OR52N1: variants seen among roughly 807,000 people sequenced by gnomAD.
OR52N1 encodes olfactory receptor family 52 subfamily N member 1, also known as olfactory receptor 52N1.
In OR52N1, 11 loss-of-function variants were observed where a neutral mutation model predicts 13.9. The ratio of observed to expected loss-of-function variants is 0.79; its 90% confidence interval spans 0.50 to 1.31. OR52N1 has a LOEUF of 1.31. OR52N1 is among the 40% of genes most tolerant of loss of function. OR52N1 has a pLI of 0.00. For missense variants in OR52N1, 414 were observed against 397.7 expected (o/e 1.04, Z -0.35); for synonymous variants, 142 against 143.7 (o/e 0.99, Z 0.08).
chr11:5,789,793 T>C (rs938093837), intron 1 of OR52N1, among the ~76,000 whole-genome samples: 1 of 152,094 alleles, frequency 6.6e-6, no homozygotes, highest in South Asian at 2.1e-4. Flanking sequence ...AGATGTTCAA[T>C]ACGTTTTTCA....
rs80120969 is a variant in OR52N1 at position 5,790,098 on chromosome 11, T to C, written c.-45+1013A>G. Among the ~76,000 whole-genome samples, 545 of 152,186 alleles carry C rather than the reference T, an allele frequency of 3.6e-3. 2 individuals are homozygous for C. The highest frequency in any genetic ancestry group is 0.013 in the African/African-American group (526 of 41,548). Reference sequence around the variant, plus strand: ...GCTTTCTAATTTAAAAATATCAATATTGATATTTATAGTTCCTCCTTGACA... The same window carrying C: ...GCTTTCTAATTTAAAAATATCAATACTGATATTTATAGTTCCTCCTTGACA... On this transcript the variant is annotated intron_variant, in intron 1 of 1. Coordinates refer to ENST00000641645, the MANE Select transcript of OR52N1 (RefSeq NM_001001913.2).
chr11:5,788,343 A>G lies in OR52N1; in HGVS notation c.474T>C (p.Val158=), dbSNP rs779334698. The G allele has an allele frequency of 6.4e-5, 103 of 1,613,900 alleles. No individual in the cohort carries two copies. Among genetic ancestry groups the G allele is most frequent in the Admixed American group, 6.3e-4 (38 of 59,970 alleles). ...GCTTGGTGAGGAAAGTGGAAGGGAT[A>G]ACAAGCATCACACCCCTAAGAAAAG... The part of the protein sequence containing the change: ...FLTFLRGVML[V]IPSTFLTKRL... Residue 158 remains valine (V), a synonymous_variant, in exon 2 of 2, where the codon GTT becomes GTC. Transcript: ENST00000641645.
chr11:5,788,978 G>A, intron 1 of OR52N1, 118 bp from the exon 2 acceptor site: 3 of 749,294 alleles, frequency 4.0e-6, no homozygotes, highest in Non-Finnish European at 6.3e-6. Context: ...GTTCTATTAT[G>A]TTTAATATGT....
At position 5,786,542 on chromosome 11, in the gene OR52N1, G is replaced by A. The variant is rs539545817; in HGVS notation, c.*1312C>T. 19 of 133,914 alleles carry A rather than the reference G, an allele frequency of 1.4e-4. 3 individuals carry two copies. The highest frequency in any genetic ancestry group is 2.0e-4 in the Non-Finnish European group (12 of 61,510). The allele number at this position is 133,914 out of a possible 1,614,324, so 8.3% of individuals were successfully genotyped here. ...GCAGTGTTTGGTTTTTTGTCCTTGC[G>A]ATAGTTTGCTGAGAATGATGGTTTC... On this transcript the variant is annotated 3_prime_UTR_variant, in exon 2 of 2. Transcript: ENST00000641645.
chr11:5,789,298 C>T (rs1416165418), intron 1 of OR52N1, among the ~76,000 whole-genome samples: 2 of 152,164 alleles, frequency 1.3e-5, no homozygotes, highest in Non-Finnish European at 2.9e-5. Flanking sequence ...TATTTTCAAT[C>T]TAGTTTTAGC....
rs1400044505 is a variant in OR52N1 at position 5,787,194 on chromosome 11, T to G, written c.*660A>C. ...CAGTTAGTTTGGCCTACTTCTGAACTGTACATCAATGACAATATATAATAT... is the reference window on the plus strand; with the variant it reads ...CAGTTAGTTTGGCCTACTTCTGAACGGTACATCAATGACAATATATAATAT... On this transcript the variant is annotated 3_prime_UTR_variant, in exon 2 of 2. Transcript: ENST00000641645. 2.1e-5 allele frequency: 3 copies of G among 140,498 alleles called. No homozygotes were observed. Among genetic ancestry groups the G allele is most frequent in the Non-Finnish European group, 4.7e-5 (3 of 63,564 alleles). The allele number at this position is 140,498 out of a possible 1,614,324, so 8.7% of individuals were successfully genotyped here. A position where few individuals can be genotyped will look rare whatever the true frequency, so the allele number is the denominator to read the frequency against.
rs139273155 is a variant in OR52N1, at chr11:5,788,420, G to A, written c.397C>T (p.Arg133Cys). Residue 133 changes from arginine to cysteine, a missense_variant, in exon 2 of 2, where the codon CGT becomes TGT. Coordinates refer to ENST00000641645, the MANE Select transcript of OR52N1 (RefSeq NM_001001913.2). ...DHCVAICFPL[R>C]YATILTNSVI... ...GAATTAGTGAGGATGGTGGCATAAC[G>A]CAGAGGGAAGCAGATGGCCACACAG... 723 of 1,614,038 alleles carry A rather than the reference G, an allele frequency of 4.5e-4. 1 individual carries two copies. Among genetic ancestry groups the A allele is most frequent in the Middle Eastern group, 3.3e-4 (2 of 6,056 alleles).
rs148179286 is a variant in OR52N1, at chr11:5,787,648, A to G, written c.*206T>C. ...AATGCAGTGAACTTCGAAGTCCTCT[A>G]TAGTAAAAAGGCTTTAAAGAACATG... On this transcript the variant is annotated 3_prime_UTR_variant, in exon 2 of 2. Transcript: ENST00000641645. 6.7e-6 allele frequency: 3 copies of G among 450,606 alleles called. No homozygotes were observed. Among genetic ancestry groups the G allele is most frequent in the African/African-American group, 6.3e-5 (3 of 47,872 alleles). The allele number at this position is 450,606 out of a possible 1,614,324, so 27.9% of individuals were successfully genotyped here. A position where few individuals can be genotyped will look rare whatever the true frequency, so the allele number is the denominator to read the frequency against.
At position 5,788,113 on chromosome 11, in the gene OR52N1, G is replaced by A; in HGVS notation, c.704C>T (p.Ala235Val). The A allele has an allele frequency of 1.2e-6, 2 of 1,614,052 alleles. No individual in the cohort carries two copies. Among genetic ancestry groups the A allele is most frequent in the Non-Finnish European group, 1.7e-6 (2 of 1,179,966 alleles). The change falls in exon 2 of 2, where the codon GCT becomes GTT. Residue 235 changes from alanine (A) to valine (V), a missense_variant. By Grantham distance (64) the Ala-to-Val change is moderately conservative (BLOSUM62 0). Transcript: ENST00000641645. Reference protein sequence around the residue: ...QAVVSLSSADARQKAFSTCTA... With the variant: ...QAVVSLSSADVRQKAFSTCTA... ...GCAGGTGCTGAAGGCCTTCTGTCGA[G>A]CATCTGCTGATGATAGACTCACAAC... is the stretch of plus-strand genomic sequence containing the variant.
At position 5,787,959 on chromosome 11, in the gene OR52N1, C is replaced by A. The variant is rs754157762; in HGVS notation, c.858G>T (p.Met286Ile). The change falls in exon 2 of 2, where the codon ATG becomes ATT. Residue 286 changes from methionine to isoleucine, a missense_variant. Physicochemically the swap from Met to Ile is conservative, Grantham distance 10. Transcript: ENST00000641645. ...ACACAATAGGGTTCATTGTGGGAGG[C>A]ATTAGTAGGTAGAGATTAGCCATAA... ...HIIMANLYLL[M>I]PPTMNPIVYG... 7.1e-7 allele frequency: 1 copy of A among 1,399,762 alleles called. No individual in the cohort carries two copies. The highest frequency in any genetic ancestry group is 1.7e-5 in the African/African-American group (1 of 58,580). 86.7% of individuals were successfully genotyped at this position (1,399,762 alleles called of 1,614,324 possible).
Position 5,787,997 on chromosome 11 carries a change from G to A in OR52N1, c.820C>T (p.His274Tyr). The change falls in exon 2 of 2, where the codon CAC becomes TAC. Residue 274 changes from histidine to tyrosine, a missense_variant. Coordinates refer to ENST00000641645, the MANE Select transcript of OR52N1 (RefSeq NM_001001913.2). ...AGATTAGCCATAATAATATGTATGT[G>A]TAGAGGAATGGTGTGTCCCCCAAAA... ...HHFGGHTIPL[H>Y]IHIIMANLYL... The A allele has an allele frequency of 7.5e-7, 1 of 1,336,552 alleles. No individual in the cohort carries two copies. The highest frequency in any genetic ancestry group is 9.9e-7 in the Non-Finnish European group (1 of 1,010,292). 82.8% of individuals were successfully genotyped at this position (1,336,552 alleles called of 1,614,324 possible).
chr11:5,786,973 A>C lies in OR52N1; in HGVS notation c.*881T>G, dbSNP rs1213066799. ...GGAGGTGAGAGTATGTGCTCAAGAC[A>C]TATTATTTTAAATAAAAATGTTGAA... On this transcript the variant is annotated 3_prime_UTR_variant, in exon 2 of 2. Coordinates refer to ENST00000641645, the MANE Select transcript of OR52N1 (RefSeq NM_001001913.2). 2.9e-5 allele frequency: 4 copies of C among 139,944 alleles called. 1 individual carries two copies. The East Asian group carries it at 8.2e-4, about 29-fold the overall frequency. 8.7% of individuals were successfully genotyped at this position (139,944 alleles called of 1,614,324 possible).
intron 1 of OR52N1, among the ~76,000 whole-genome samples, chr11:5,789,539 A>G (rs1854634099): frequency 6.6e-6 from 1 of 152,104 alleles, no homozygotes; most frequent in Admixed American, 6.6e-5. Context: ...TGAGAATCCA[A>G]TGTTTTCCTA....
In OR52N1 at chr11:5,788,027, GTGTAAAGAA is replaced by G. The variant is rs774475393; in HGVS notation, c.781_789del (p.Phe261_Thr263del). 2.2e-5 allele frequency: 28 copies of G among 1,247,990 alleles called. 4 individuals carry two copies. The East Asian group carries it at 6.6e-4, about 30-fold the overall frequency. The allele number at this position is 1,247,990 out of a possible 1,614,324, so 77.3% of individuals were successfully genotyped here. ...GGAATGGTGTGTCCCCCAAAATGGTGTGTAAAGAAGGTAAAGAAGGCTGGAACATAGGTG... is the reference window on the plus strand; with the variant it reads ...GGAATGGTGTGTCCCCCAAAATGGTGGGTAAAGAAGGCTGGAACATAGGTG... On this transcript the variant is annotated inframe_deletion, in exon 2 of 2. Coordinates refer to ENST00000641645, the MANE Select transcript of OR52N1 (RefSeq NM_001001913.2).
intron 1 of OR52N1, among the ~76,000 whole-genome samples, chr11:5,790,885 C>T (rs1294221083): frequency 6.6e-6 from 1 of 151,938 alleles, no homozygotes; most frequent in African/African-American, 2.4e-5. Flanking sequence ...ATCCTGTAGG[C>T]TGTCTGTTTA....
chr11:5,787,667 G>A lies in OR52N1; in HGVS notation c.*187C>T, dbSNP rs1206339332. The A allele has an allele frequency of 1.9e-6, 1 of 533,258 alleles. No individual in the cohort carries two copies. The highest frequency in any genetic ancestry group is 3.2e-6 in the Non-Finnish European group (1 of 313,032). 33.0% of individuals were successfully genotyped at this position (533,258 alleles called of 1,614,324 possible). A position where few individuals can be genotyped will look rare whatever the true frequency, so the allele number is the denominator to read the frequency against. Reference sequence around the variant, plus strand: ...TCCTCTATAGTAAAAAGGCTTTAAAGAACATGGAATAACATAAGAGAGGGT... The same window carrying A: ...TCCTCTATAGTAAAAAGGCTTTAAAAAACATGGAATAACATAAGAGAGGGT... On this transcript the variant is annotated 3_prime_UTR_variant, in exon 2 of 2. Transcript: ENST00000641645.
intron 1 of OR52N1, among the ~76,000 whole-genome samples, chr11:5,789,216 T>C (rs1052670359): frequency 6.6e-6 from 1 of 152,202 alleles, no homozygotes; most frequent in Non-Finnish European, 1.5e-5. Context: ...TATTCTGAAA[T>C]GTTAACAGAC....
chr11:5,789,538 AATGTTTTCC>A (rs1854634116), intron 1 of OR52N1, among the ~76,000 whole-genome samples: 1 of 152,132 alleles, frequency 6.6e-6, no homozygotes. Flanking sequence ...ATGAGAATCC[AATGTTTTCC>A]TAAGATTACA....
chr11:5,788,832 T>C lies in OR52N1; in HGVS notation c.-16A>G. The C allele has an allele frequency of 6.3e-7, 1 of 1,588,824 alleles. No individual in the cohort carries two copies. The highest frequency in any genetic ancestry group is 8.5e-7 in the Non-Finnish European group (1 of 1,173,110). ...GAAATGACATAATGACTGTTGGAAG[T>C]TCATTGTATAGCAGTTATAGCATTG... On this transcript the variant is annotated 5_prime_UTR_variant, in exon 2 of 2. Transcript: ENST00000641645.
Sources: allele counts gnomAD v4.1 joint callset (sites outside exome capture counted in the v4.1 genomes callset), GRCh38; gene constraint gnomAD v4.1.1; transcripts MANE v1.5; gene names NCBI Gene and HGNC (gene_info 2026-07-23, HGNC 2026-07-21).